TANC1: variants seen among roughly 807,000 people sequenced by gnomAD.
The protein encoded by TANC1 is protein TANC1.
TANC1 carries 77 observed loss-of-function variants against 149.7 expected under a neutral mutation model. That is an observed-to-expected ratio of 0.51 (90% confidence interval 0.43 to 0.62). The LOEUF (loss-of-function observed/expected upper bound fraction) is 0.62, where lower values mean the gene tolerates loss of function less well. TANC1 is among the 20% of genes least tolerant of loss of function. The pLI is 0.00. For synonymous variants in TANC1, 854 were observed against 925.0 expected (o/e 0.92, Z 1.39); for missense variants, 1,985 against 2,321.8 (o/e 0.85, Z 2.98).
chr2:159,219,614 C>T (rs1299953554), intron 21 of TANC1, 78 bp from the exon 22 acceptor site: 1 of 1,555,588 alleles, frequency 6.4e-7, no homozygotes, highest in South Asian at 1.1e-5. Flanking sequence ...GCCGGGTGTT[C>T]CGCAGGTGTG....
At chr2:159,195,743 C>T (rs1270711689) in intron 17 of TANC1, among the ~76,000 whole-genome samples, 16 of 152,194 alleles carry the variant, frequency 1.1e-4, no homozygotes, top group Non-Finnish European at 2.9e-5. Context: ...TTACGGATGG[C>T]AGCTGGGCTT....
chr2:159,148,375 T>C (rs532814470), intron 5 of TANC1: 1 of 152,326 alleles, frequency 6.6e-6, no homozygotes, highest in African/African-American at 2.4e-5. Flanking sequence ...AATCCAACCA[T>C]AAAATTCTCT....
At chr2:159,149,407 T>A in intron 6 of TANC1, 135 bp downstream of exon 6, 1 of 1,318,932 alleles carries the variant, frequency 7.6e-7, no homozygotes, top group Non-Finnish European at 1.1e-6. Flanking sequence ...TATTGAAATT[T>A]ATTTCAACAG....
chr2:158,980,717 G>A (rs893945388), intron 1 of TANC1, among the ~76,000 whole-genome samples: 1 of 151,044 alleles, frequency 6.6e-6, no homozygotes, highest in Non-Finnish European at 1.5e-5. Flanking sequence ...GGAGCTTGCA[G>A]TGAGCCGAGA....
intron 2 of TANC1, among the ~76,000 whole-genome samples, chr2:159,048,969 G>C (rs1251653633): frequency 6.6e-6 from 1 of 152,196 alleles, no homozygotes; most frequent in Non-Finnish European, 1.5e-5. Context: ...AGCATGGATG[G>C]ACTTTTGTGC....
chr2:159,216,134 C>T (rs138757072), intron 19 of TANC1, among the ~76,000 whole-genome samples: 8 of 152,174 alleles, frequency 5.3e-5, no homozygotes, highest in Admixed American at 2.6e-4. Context: ...CCTGTTGTTC[C>T]GCATCCATCT....
chr2:159,003,688 C>A (rs1268332451), intron 2 of TANC1, among the ~76,000 whole-genome samples: 1 of 152,232 alleles, frequency 6.6e-6, no homozygotes, highest in Admixed American at 6.5e-5. Context: ...TAGGCTGCCT[C>A]GGAGAGGGAG....
At chr2:159,120,482 G>A (rs2048736468) in intron 4 of TANC1, among the ~76,000 whole-genome samples, 1 of 152,044 alleles carries the variant, frequency 6.6e-6, no homozygotes, top group African/African-American at 2.4e-5. Context: ...AGCATTTTAT[G>A]TACAAATGAT....
At chr2:159,073,958 G>A (rs1436005704) in intron 3 of TANC1, among the ~76,000 whole-genome samples, 1 of 152,164 alleles carries the variant, frequency 6.6e-6, no homozygotes, top group African/African-American at 2.4e-5. Flanking sequence ...AGTCTTAAGG[G>A]GATGGTGTGT....
chr2:159,085,532 G>C (rs960237787), intron 3 of TANC1, among the ~76,000 whole-genome samples: 2 of 152,146 alleles, frequency 1.3e-5, no homozygotes, highest in African/African-American at 4.8e-5. Flanking sequence ...AGGAATACCT[G>C]AGGCTGGGTA....
chr2:159,204,886 A>G (rs2058497117), intron 19 of TANC1, among the ~76,000 whole-genome samples: 2 of 152,242 alleles, frequency 1.3e-5, no homozygotes, highest in African/African-American at 4.8e-5. Flanking sequence ...TGGGCTATTT[A>G]GCTGCGTCGT....
chr2:159,024,837 A>G (rs2039131409), intron 2 of TANC1, among the ~76,000 whole-genome samples: 2 of 152,222 alleles, frequency 1.3e-5, no homozygotes, highest in Admixed American at 1.3e-4. Flanking sequence ...GATAACACAA[A>G]TACTTCCCAT....
chr2:159,189,033 T>C (rs919994026), intron 16 of TANC1, among the ~76,000 whole-genome samples: 1 of 152,266 alleles, frequency 6.6e-6, no homozygotes, highest in African/African-American at 2.4e-5. Flanking sequence ...AGCGCTCAGC[T>C]CGGCCTTACT....
chr2:159,021,659 A>T (rs921218074), intron 2 of TANC1, among the ~76,000 whole-genome samples: 1 of 152,360 alleles, frequency 6.6e-6, no homozygotes, highest in East Asian at 1.9e-4. Context: ...GTAATTTTGC[A>T]TTCAGAAATT....
intron 2 of TANC1, among the ~76,000 whole-genome samples, chr2:159,007,541 C>T (rs1330842211): frequency 1.3e-5 from 2 of 152,100 alleles, no homozygotes; most frequent in Admixed American, 1.3e-4. Context: ...CAGTAGCATG[C>T]TGTATGGTTT....
chr2:159,096,533 C>T (rs372028076), intron 3 of TANC1, among the ~76,000 whole-genome samples: 6 of 152,252 alleles, frequency 3.9e-5, no homozygotes, highest in South Asian at 2.1e-4. Flanking sequence ...GGAACAATGG[C>T]GAGAGCACAC....
intron 2 of TANC1, among the ~76,000 whole-genome samples, chr2:159,025,162 T>TTTTC (rs1176153627): frequency 9.0e-5 from 13 of 144,216 alleles, no homozygotes; most frequent in African/African-American, 2.6e-4. Context: ...CTCTTTCTCT[T>TTTTC]TTTCTTTCTT....
At chr2:159,225,086 C>T (rs1408154822) in intron 23 of TANC1, 7 of 160,338 alleles carry the variant, frequency 4.4e-5, no homozygotes, top group Non-Finnish European at 1.4e-5. Context: ...CAGTGACAAT[C>T]CCATGATTTT....
chr2:159,199,214 C>G (rs2058074583), intron 19 of TANC1, among the ~76,000 whole-genome samples, 161 bp downstream of exon 19: 1 of 152,208 alleles, frequency 6.6e-6, no homozygotes, highest in Admixed American at 6.5e-5. Flanking sequence ...ACATGAGTAG[C>G]AAAACTTTGC....
Sources: gnomAD v4.1 joint callset for allele counts (sites outside exome capture counted in the v4.1 genomes callset) on GRCh38, gnomAD v4.1.1 for gene constraint, MANE v1.5 for transcripts, NCBI Gene and HGNC (gene_info 2026-07-23, HGNC 2026-07-21) for gene names.